The following SHROOM4 variants were observed in gnomAD, a reference collection of about 807,000 sequenced individuals.
SHROOM4 encodes the protein shroom family member 4, also known as protein Shroom4.
SHROOM4 carries 17 observed loss-of-function variants against 80.3 expected under a neutral mutation model. The observed-to-expected ratio is 0.21, with a 90% confidence interval of 0.14 to 0.32. The LOEUF (loss-of-function observed/expected upper bound fraction) is 0.32. Ranked by LOEUF, SHROOM4 falls within the 10% of genes least tolerant of loss-of-function variation. SHROOM4 has a pLI of 1.00. For missense variants in SHROOM4, 993 were observed against 1,140.3 expected (o/e 0.87, Z 1.86); for synonymous variants, 400 against 437.5 (o/e 0.91, Z 1.07).
At chrX:50,641,665 T>C (rs1931604360) in intron 2 of SHROOM4, among the ~76,000 whole-genome samples, 1 of 109,646 alleles carries the variant, frequency 9.1e-6, no homozygotes, top group Admixed American at 9.8e-5. Flanking sequence ...AAGCCTGGAG[T>C]GCAATGGCAC....
intron 2 of SHROOM4, among the ~76,000 whole-genome samples, chrX:50,656,527 T>C (rs1932311797): frequency 8.9e-6 from 1 of 112,086 alleles, no homozygotes; most frequent in Non-Finnish European, 1.9e-5. Flanking sequence ...CCATTATGTG[T>C]TCTTGACACC....
chrX:50,690,080 A>C, intron 2 of SHROOM4, among the ~76,000 whole-genome samples: 1 of 112,063 alleles, frequency 8.9e-6, no homozygotes, highest in East Asian at 2.8e-4. Context: ...GCCCTAAAGT[A>C]TTTTTAGATG....
At chrX:50,696,236 T>C (rs1299297506) in intron 1 of SHROOM4, among the ~76,000 whole-genome samples, 1 of 111,717 alleles carries the variant, frequency 9.0e-6, no homozygotes, top group Non-Finnish European at 1.9e-5. Context: ...AACCCTACTA[T>C]GTGGCTAAAG....
intron 3 of SHROOM4, 87 bp from the exon 4 acceptor site, chrX:50,635,755 T>C (rs1432473112): frequency 1.1e-4 from 94 of 848,491 alleles, no homozygotes; most frequent in Middle Eastern, 4.2e-4. Flanking sequence ...GAGGTACCCA[T>C]GCCACAAAAG....
chrX:50,595,546 C>T lies in SHROOM4; in HGVS notation c.*1149G>A. ...AGAAATCAGTAAGAAAAACTTAAACCCTGCTGGGGAATGCTAAACTCAAGT... is the reference window on the plus strand; with the variant it reads ...AGAAATCAGTAAGAAAAACTTAAACTCTGCTGGGGAATGCTAAACTCAAGT... On this transcript the variant is annotated 3_prime_UTR_variant, in exon 9 of 9. Coordinates refer to ENST00000376020, the MANE Select transcript of SHROOM4 (RefSeq NM_020717.5). 1.6e-5 allele frequency: 3 copies of T among 184,273 alleles called. No homozygotes were observed. The highest frequency in any genetic ancestry group is 1.8e-4 in the South Asian group (2 of 11,396). 15.2% of individuals were successfully genotyped at this position (184,273 alleles called of 1,213,427 possible). A position where few individuals can be genotyped will look rare whatever the true frequency, so the allele number is the denominator to read the frequency against.
chrX:50,604,606 G>T lies in SHROOM4; in HGVS notation c.3762-1793C>A, dbSNP rs782796727. ...CCTATCTACAAGAAAAATATTTAGG[G>T]TATGTGTGAAAGTTCTGTGTCAGAA... On this transcript the variant is annotated intron_variant, in intron 6 of 8. Transcript: ENST00000376020. 5.4e-5 allele frequency among the ~76,000 whole-genome samples: 6 copies of T among 111,952 alleles called. No homozygotes were observed. In the South Asian group the frequency reaches 1.9e-3, roughly 35 times the overall value.
chrX:50,696,456 T>C (rs376463821), intron 1 of SHROOM4, among the ~76,000 whole-genome samples: 1 of 111,906 alleles, frequency 8.9e-6, no homozygotes, highest in East Asian at 2.8e-4. Flanking sequence ...CTACGTGACA[T>C]GTAGATAACA....
At chrX:50,761,042 T>A (rs903707716) in intron 1 of SHROOM4, among the ~76,000 whole-genome samples, 1 of 112,252 alleles carries the variant, frequency 8.9e-6, no homozygotes, top group African/African-American at 3.2e-5. Context: ...CCTATTTTTT[T>A]AACTTTTATT....
At chrX:50,776,425 T>C (rs1210182007) in intron 1 of SHROOM4, among the ~76,000 whole-genome samples, 1 of 111,501 alleles carries the variant, frequency 9.0e-6, no homozygotes, top group Non-Finnish European at 1.9e-5. Context: ...GCTTAGATCA[T>C]CTATTCACAT....
At chrX:50,726,190 A>C (rs966830521) in intron 1 of SHROOM4, among the ~76,000 whole-genome samples, 2 of 112,108 alleles carry the variant, frequency 1.8e-5, no homozygotes, top group Non-Finnish European at 3.8e-5. Flanking sequence ...TCTGAGCAGC[A>C]AAGTGTTAAA....
At chrX:50,618,687 C>T (rs1346789031) in intron 5 of SHROOM4, among the ~76,000 whole-genome samples, 9 of 111,666 alleles carry the variant, frequency 8.1e-5, no homozygotes, top group African/African-American at 2.0e-4. Context: ...CGCACCCAGT[C>T]GACTACTCTG....
intron 1 of SHROOM4, among the ~76,000 whole-genome samples, chrX:50,703,761 T>C (rs1023812127): frequency 1.8e-5 from 2 of 112,193 alleles, no homozygotes; most frequent in Non-Finnish European, 3.8e-5. Flanking sequence ...CAGCCAGCCA[T>C]GTGGAACTGT....
intron 1 of SHROOM4, among the ~76,000 whole-genome samples, chrX:50,792,006 C>T: frequency 9.0e-6 from 1 of 111,539 alleles, no homozygotes; most frequent in Non-Finnish European, 1.9e-5. Context: ...AAACCACTTT[C>T]TTACACCATA....
rs1200393478 is a variant in SHROOM4 at position 50,587,477 on chromosome X, A to G, written c.*9218T>C. Among the ~76,000 whole-genome samples the G allele has an allele frequency of 8.0e-5, 9 of 112,188 alleles. No individual in the cohort carries two copies. The highest frequency in any genetic ancestry group is 2.9e-4 in the African/African-American group (9 of 30,869). The stretch of plus-strand genomic sequence containing the variant: ...TTATTCTCTGGTGAAAATTAATGCA[A>G]AAAATATTTTAGTTACTGCAGTAGC... On this transcript the variant is annotated 3_prime_UTR_variant, in exon 9 of 9. Transcript: ENST00000376020.
chrX:50,680,071 T>A (rs919420844), intron 2 of SHROOM4, among the ~76,000 whole-genome samples: 3 of 112,059 alleles, frequency 2.7e-5, no homozygotes, highest in Admixed American at 1.9e-4. Flanking sequence ...GTACTCCCTC[T>A]TTCTTGAATC....
Position 50,592,392 on chromosome X carries a change from A to G in SHROOM4, c.*4303T>C, listed in dbSNP as rs782481556. 1 of 241,845 alleles carries G rather than the reference A, an allele frequency of 4.1e-6. No individual in the cohort carries two copies. The highest frequency in any genetic ancestry group is 7.6e-6 in the Non-Finnish European group (1 of 130,781). 19.9% of individuals were successfully genotyped at this position (241,845 alleles called of 1,213,427 possible). A position where few individuals can be genotyped will look rare whatever the true frequency, so the allele number is the denominator to read the frequency against. Reference sequence around the variant, plus strand: ...AGTTACAATAACTGCAAGCAAGATAATACTGTTCCCATTTTACAGATAAGA... The same window carrying G: ...AGTTACAATAACTGCAAGCAAGATAGTACTGTTCCCATTTTACAGATAAGA... On this transcript the variant is annotated 3_prime_UTR_variant, in exon 9 of 9. Coordinates refer to ENST00000376020, the MANE Select transcript of SHROOM4 (RefSeq NM_020717.5).
intron 2 of SHROOM4, among the ~76,000 whole-genome samples, chrX:50,649,133 T>C: frequency 8.9e-6 from 1 of 112,271 alleles, no homozygotes; most frequent in Non-Finnish European, 1.9e-5. Flanking sequence ...CAGATGACTG[T>C]GAAGCACCTA....
chrX:50,624,908 T>C (rs1449649687), intron 5 of SHROOM4, among the ~76,000 whole-genome samples: 3 of 111,810 alleles, frequency 2.7e-5, no homozygotes, highest in Non-Finnish European at 5.6e-5. Flanking sequence ...AATAAAGATA[T>C]TAATATATTA....
At chrX:50,618,342 TC>T (rs1930378418) in intron 5 of SHROOM4, among the ~76,000 whole-genome samples, 1 of 9,511 alleles carries the variant, frequency 1.1e-4, no homozygotes, top group Non-Finnish European at 2.0e-4. Context: ...CTTCCTTCCT[TC>T]CTTCCTTCCT....
Sources: allele counts gnomAD v4.1 joint callset (sites outside exome capture counted in the v4.1 genomes callset), GRCh38; gene constraint gnomAD v4.1.1; transcripts MANE v1.5; gene names NCBI Gene and HGNC (gene_info 2026-07-23, HGNC 2026-07-21).